GAB2: variants seen among roughly 807,000 people sequenced by gnomAD.
GAB2 encodes the protein GRB2 associated binding protein 2.
In GAB2, 26 loss-of-function variants were observed where a neutral mutation model predicts 65.5. The observed-to-expected ratio is 0.40, with a 90% confidence interval of 0.29 to 0.55. The LOEUF is 0.55. Among genes scored for constraint, GAB2 ranks in the 20% least tolerant of loss-of-function variants. The pLI is 0.53. For synonymous variants in GAB2, 321 were observed against 329.6 expected, an observed-to-expected ratio of 0.97 and a Z score of 0.28; for missense variants, 884 against 875.8, an observed-to-expected ratio of 1.01 and a Z score of -0.12.
At position 78,223,519 on chromosome 11, in the gene GAB2, T is replaced by C. The variant is rs1864529651; in HGVS notation, c.1460A>G (p.Asp487Gly). The C allele has an allele frequency of 3.7e-6, 6 of 1,612,480 alleles. No homozygotes were observed. The highest frequency in any genetic ancestry group is 5.1e-6 in the Non-Finnish European group (6 of 1,179,336). The change falls in exon 6 of 10, where the codon GAC becomes GGC. Residue 487 changes from aspartate to glycine, a missense_variant. Physicochemically the swap from Asp to Gly is moderately conservative, Grantham distance 94 (BLOSUM62 -1). Transcript: ENST00000361507. ...IPMSPGAHHFDSLGYPSTTLP... is the reference protein window; with the variant it reads ...IPMSPGAHHFGSLGYPSTTLP... Reference sequence around the variant, plus strand: ...GGTTGTTGATGGGTAGCCAAGTGAGTCAAAGTGATGGGCCCCTGGGCTCAT... The same window carrying C: ...GGTTGTTGATGGGTAGCCAAGTGAGCCAAAGTGATGGGCCCCTGGGCTCAT...
chr11:78,389,400 G>A (rs1444986872), intron 1 of GAB2, among the ~76,000 whole-genome samples: 1 of 151,208 alleles, frequency 6.6e-6, no homozygotes, highest in Non-Finnish European at 1.5e-5. Flanking sequence ...TCCGCCTCCC[G>A]GGTTGATGTG....
At chr11:78,328,605 TATAA>T (rs2134673589) in intron 1 of GAB2, among the ~76,000 whole-genome samples, 1 of 152,348 alleles carries the variant, frequency 6.6e-6, no homozygotes, top group African/African-American at 2.4e-5. Context: ...AGGAATGGTC[TATAA>T]ATACATTCAA....
intron 2 of GAB2, among the ~76,000 whole-genome samples, chr11:78,270,340 A>G (rs893916733): frequency 6.6e-6 from 1 of 152,048 alleles, no homozygotes; most frequent in African/African-American, 2.4e-5. Flanking sequence ...TCTTAAAAAA[A>G]AAAAAAAAAG....
chr11:78,375,975 A>AT (rs966278480), intron 1 of GAB2, among the ~76,000 whole-genome samples: 4 of 152,176 alleles, frequency 2.6e-5, no homozygotes, highest in African/African-American at 9.7e-5. Flanking sequence ...AGCTCTGTGC[A>AT]TTCCAGATTT....
At position 78,407,675 on chromosome 11, in the gene GAB2, A is replaced by AAGAAAGAAAGAAAGAAAGAAAGAGATGGC. The variant is rs1857068849; in HGVS notation, c.75+9970_75+9971insGCCATCTCTTTCTTTCTTTCTTTCTTTCT. ...AAAGAAAGTAAGAAAGAAAGAAAGA[A>AAGAAAGAAAGAAAGAAAGAAAGAGATGGC]AGAAAGAAAGAAAGAAAGAAAGAAA... On this transcript the variant is annotated intron_variant, in intron 1 of 9. Transcript: ENST00000361507. Among the ~76,000 whole-genome samples, 14 of 147,716 alleles carry AAGAAAGAAAGAAAGAAAGAAAGAGATGGC rather than the reference A, an allele frequency of 9.5e-5. 1 individual carries two copies. The highest frequency in any genetic ancestry group is 3.7e-4 in the African/African-American group (14 of 37,944).
chr11:78,400,901 C>CA (rs59240034), intron 1 of GAB2, among the ~76,000 whole-genome samples: 37,322 of 65,322 alleles, frequency 0.57, 13,754 homozygotes, highest in Non-Finnish European at 0.71. Context: ...GAGACTGTCT[C>CA]AAAAAAAAAA....
chr11:78,407,345 T>C (rs1310229480), intron 1 of GAB2, among the ~76,000 whole-genome samples: 3 of 151,866 alleles, frequency 2.0e-5, no homozygotes, highest in Admixed American at 6.6e-5. Context: ...GAGAAAAAGA[T>C]GGGAGCTGGT....
chr11:78,359,697 G>A (rs931461084), intron 1 of GAB2, among the ~76,000 whole-genome samples: 15 of 152,298 alleles, frequency 9.8e-5, no homozygotes, highest in East Asian at 1.9e-4. Flanking sequence ...ATTATTTTAA[G>A]TGGGTATAAA....
At chr11:78,414,087 C>CAAAAA (rs34915163) in intron 1 of GAB2, among the ~76,000 whole-genome samples, 1 of 83,290 alleles carries the variant, frequency 1.2e-5, no homozygotes, top group African/African-American at 3.6e-5. Flanking sequence ...AACTCTGTCT[C>CAAAAA]AAAAAAAAAA....
At chr11:78,226,086 T>C (rs997150351) in intron 4 of GAB2, among the ~76,000 whole-genome samples, 5 of 152,270 alleles carry the variant, frequency 3.3e-5, no homozygotes, top group Admixed American at 1.3e-4. Context: ...CACACAGGTT[T>C]CACTCCAGTT....
chr11:78,263,382 C>G lies in GAB2; in HGVS notation c.377-12982G>C, dbSNP rs567598710. Among the ~76,000 whole-genome samples, 36 of 152,138 alleles carry G rather than the reference C, an allele frequency of 2.4e-4. No homozygotes were observed. In the South Asian group the frequency reaches 7.5e-3, roughly 32 times the overall value. On this transcript the variant is annotated intron_variant, in intron 2 of 9. Coordinates refer to ENST00000361507, the MANE Select transcript of GAB2 (RefSeq NM_080491.3). Reference sequence around the variant, plus strand: ...GGCGCAGTCACTCACACCTGTAATCCCAGCATTTTGGGAGGCCAAGGCGGG... The same window carrying G: ...GGCGCAGTCACTCACACCTGTAATCGCAGCATTTTGGGAGGCCAAGGCGGG...
intron 2 of GAB2, among the ~76,000 whole-genome samples, chr11:78,277,641 T>C (rs1866212916): frequency 6.6e-6 from 1 of 152,256 alleles, no homozygotes; most frequent in South Asian, 2.1e-4. Flanking sequence ...TGGGCATGTG[T>C]ACAGCTTTAG....
chr11:78,306,172 T>A (rs1855354171), intron 1 of GAB2, among the ~76,000 whole-genome samples: 2 of 152,230 alleles, frequency 1.3e-5, no homozygotes, highest in South Asian at 4.1e-4. Flanking sequence ...GAATATAACC[T>A]GATTTACTAA....
chr11:78,336,821 T>C (rs185455422), intron 1 of GAB2, among the ~76,000 whole-genome samples: 4 of 152,326 alleles, frequency 2.6e-5, no homozygotes, highest in Admixed American at 6.5e-5. Context: ...AGAAAAATGT[T>C]AGGAAATTCT....
intron 3 of GAB2, among the ~76,000 whole-genome samples, chr11:78,232,821 C>T (rs938233261): frequency 1.3e-5 from 2 of 152,068 alleles, no homozygotes; most frequent in East Asian, 3.9e-4. Flanking sequence ...CTAGTCTATG[C>T]GAGGCAGGAT....
chr11:78,218,946 C>G lies in GAB2; in HGVS notation c.*326G>C, dbSNP rs1864279166. On this transcript the variant is annotated 3_prime_UTR_variant, in exon 10 of 10. Transcript: ENST00000361507. ...GGCTCAGAGCCCCAGCCCTTCCCTC[C>G]AAACATCTGGTAGAGAGTCAGGTCT... is the stretch of plus-strand genomic sequence containing the variant. The G allele has an allele frequency of 4.2e-6, 1 of 239,332 alleles. No homozygotes were observed. The highest frequency in any genetic ancestry group is 9.5e-5 in the South Asian group (1 of 10,488). The allele number at this position is 239,332 out of a possible 1,614,324, so 14.8% of individuals were successfully genotyped here.
At chr11:78,364,715 T>C (rs1856476076) in intron 1 of GAB2, among the ~76,000 whole-genome samples, 1 of 152,168 alleles carries the variant, frequency 6.6e-6, no homozygotes, top group African/African-American at 2.4e-5. Context: ...GAGTTTGCTA[T>C]ATGTGTTTAA....
intron 2 of GAB2, among the ~76,000 whole-genome samples, chr11:78,274,205 C>T (rs1220506223): frequency 6.6e-6 from 1 of 152,026 alleles, no homozygotes; most frequent in East Asian, 1.9e-4. Flanking sequence ...AACTGGGAGG[C>T]CATGATTGTG....
intron 1 of GAB2, among the ~76,000 whole-genome samples, chr11:78,345,241 T>C (rs373500221): frequency 4.1e-4 from 62 of 152,218 alleles, no homozygotes; most frequent in East Asian, 1.2e-3. Context: ...TATCGCACCA[T>C]TGACTCCAGC....
Sources: gnomAD v4.1 joint callset for allele counts (sites outside exome capture counted in the v4.1 genomes callset) on GRCh38, gnomAD v4.1.1 for gene constraint, MANE v1.5 for transcripts, NCBI Gene and HGNC (gene_info 2026-07-23, HGNC 2026-07-21) for gene names.